TMED3: variants seen among roughly 807,000 people sequenced by gnomAD.
The protein encoded by TMED3 is transmembrane p24 trafficking protein 3, also known as transmembrane emp24 domain-containing protein 3.
TMED3 carries 9 observed loss-of-function variants against 15.0 expected under a neutral mutation model. The observed-to-expected ratio is 0.60, with a 90% CI of 0.36 to 1.04. The LOEUF is 1.04. Ranked by LOEUF, TMED3 falls within the 50% of genes least tolerant of loss-of-function variation. The probability of loss-of-function intolerance (pLI) is 0.01; values close to 1 mark genes in which losing one functional copy is unlikely to be tolerated. For missense variants in TMED3, 267 were observed against 278.9 expected (o/e 0.96, Z 0.30); for synonymous variants, 117 against 121.4 (o/e 0.96, Z 0.24).
At chr15:79,399,480 T>C (rs1420775716) in intron 2 of TMED3, among the ~76,000 whole-genome samples, 3 of 152,050 alleles carry the variant, frequency 2.0e-5, no homozygotes, top group Non-Finnish European at 4.4e-5. Context: ...TGGAGACACA[T>C]AATGTGTCCA....
intron 2 of TMED3, among the ~76,000 whole-genome samples, chr15:79,358,358 T>G (rs774455574): frequency 3.3e-5 from 5 of 152,244 alleles, no homozygotes; most frequent in Non-Finnish European, 7.3e-5. Flanking sequence ...TGGCTCACTT[T>G]TTATTTCTGA....
intron 2 of TMED3, among the ~76,000 whole-genome samples, chr15:79,399,420 G>A (rs1893805819): frequency 6.6e-6 from 1 of 152,138 alleles, no homozygotes; most frequent in Admixed American, 6.5e-5. Flanking sequence ...ATCATTGTTT[G>A]TGTGAGTCCA....
chr15:79,352,107 T>C (rs990308746), intron 2 of TMED3, among the ~76,000 whole-genome samples: 31 of 151,962 alleles, frequency 2.0e-4, no homozygotes, highest in Non-Finnish European at 3.5e-4. Context: ...AACCTACCTA[T>C]TGGGGACGGT....
chr15:79,410,054 C>T (rs1169606137), intron 2 of TMED3, among the ~76,000 whole-genome samples: 1 of 151,878 alleles, frequency 6.6e-6, no homozygotes, highest in Non-Finnish European at 1.5e-5. Flanking sequence ...TCCTTTCATA[C>T]CCGATGAATT....
chr15:79,317,859 C>T (rs1183260723), intron 2 of TMED3, among the ~76,000 whole-genome samples: 1 of 152,232 alleles, frequency 6.6e-6, no homozygotes, highest in Non-Finnish European at 1.5e-5. Flanking sequence ...GGTTTCCCTG[C>T]CTCTAAACTG....
At chr15:79,370,832 C>T (rs1411694158) in intron 2 of TMED3, among the ~76,000 whole-genome samples, 2 of 152,158 alleles carry the variant, frequency 1.3e-5, no homozygotes, top group African/African-American at 2.4e-5. Context: ...AACAGTCATT[C>T]GCTGAGGATC....
chr15:79,321,631 T>C (rs370290666), intron 2 of TMED3, among the ~76,000 whole-genome samples: 1 of 152,174 alleles, frequency 6.6e-6, no homozygotes, highest in South Asian at 2.1e-4. Flanking sequence ...CATCTGTGTG[T>C]GGGATAAGCC....
chr15:79,411,602 G>A, exon 3 of TMED3: 4 of 667,898 alleles, frequency 6.0e-6, no homozygotes, highest in Non-Finnish European at 8.2e-6. Context: ...ACCATGCACT[G>A]GGACTAGCTC....
chr15:79,354,741 A>G (rs1300145660), intron 2 of TMED3, among the ~76,000 whole-genome samples: 1 of 152,188 alleles, frequency 6.6e-6, no homozygotes, highest in Non-Finnish European at 1.5e-5. Context: ...ATAGAAGCAG[A>G]GCAAAGATAC....
chr15:79,408,788 C>T (rs964164893), intron 2 of TMED3, among the ~76,000 whole-genome samples: 20 of 152,040 alleles, frequency 1.3e-4, no homozygotes, highest in African/African-American at 3.9e-4. Context: ...CAGCCTTGTG[C>T]GATTCAAAAG....
At chr15:79,411,648 A>C in exon 3 of TMED3, 2 of 608,408 alleles carry the variant, frequency 3.3e-6, no homozygotes, top group South Asian at 1.8e-5. Flanking sequence ...CAGGTGAGTT[A>C]AACTGGCAAG....
At position 79,322,075 on chromosome 15, in the gene TMED3, C is replaced by T. The variant is rs560318448; in HGVS notation, c.515C>T (p.Ala172Val). 10 of 1,614,172 alleles carry T rather than the reference C, an allele frequency of 6.2e-6. No individual in the cohort carries two copies. The highest frequency in any genetic ancestry group is 3.3e-5 in the South Asian group (3 of 91,074). ...RLREAQDRAR[A>V]EDLNSRVSYW... ...CGGGAGGCCCAGGACCGGGCCCGAG[C>T]AGAAGACCTTAATAGCCGAGTCTCT... The change falls in exon 3 of 3, where the codon GCA becomes GTA. Residue 172 changes from alanine to valine, a missense_variant. Transcript: ENST00000299705.
At chr15:79,402,711 A>G (rs1893849511) in intron 2 of TMED3, among the ~76,000 whole-genome samples, 1 of 151,738 alleles carries the variant, frequency 6.6e-6, no homozygotes, top group Non-Finnish European at 1.5e-5. Context: ...GCTTGAACCC[A>G]GGAGGTGGAA....
chr15:79,411,257 G>C, intron 2 of TMED3: 2 of 553,562 alleles, frequency 3.6e-6, no homozygotes, highest in East Asian at 3.0e-5. Flanking sequence ...AGGATAATTA[G>C]AGCCAGCAAT....
At chr15:79,381,784 CAA>C (rs1350439665) in intron 2 of TMED3, among the ~76,000 whole-genome samples, 55 of 152,204 alleles carry the variant, frequency 3.6e-4, no homozygotes, top group Admixed American at 3.6e-3. Context: ...CCTGTGATTG[CAA>C]AGTCAACTCA....
At chr15:79,335,189 G>C (rs1010216229) in intron 2 of TMED3, among the ~76,000 whole-genome samples, 1 of 152,158 alleles carries the variant, frequency 6.6e-6, no homozygotes, top group Admixed American at 6.5e-5. Flanking sequence ...AAAAGTCAAG[G>C]AAGACCTAAA....
intron 2 of TMED3, among the ~76,000 whole-genome samples, chr15:79,339,662 CAGA>C (rs2058842665): frequency 6.6e-6 from 1 of 151,860 alleles, no homozygotes; most frequent in South Asian, 2.1e-4. Flanking sequence ...GTGGTGATGA[CAGA>C]GGAGTGGTAG....
intron 2 of TMED3, among the ~76,000 whole-genome samples, chr15:79,349,076 G>C (rs2058881805): frequency 6.6e-6 from 1 of 152,134 alleles, no homozygotes; most frequent in Non-Finnish European, 1.5e-5. Context: ...GGGCTCAAGT[G>C]ATCCACCCAC....
intron 2 of TMED3, among the ~76,000 whole-genome samples, chr15:79,320,191 C>T (rs1202657889): frequency 6.6e-6 from 1 of 152,234 alleles, no homozygotes; most frequent in Admixed American, 6.5e-5. Context: ...AAGGAGCCCT[C>T]TGGCGGCCCT....
Sources: gnomAD v4.1 joint callset for allele counts (sites outside exome capture counted in the v4.1 genomes callset) on GRCh38, gnomAD v4.1.1 for gene constraint, MANE v1.5 for transcripts, NCBI Gene and HGNC (gene_info 2026-07-23, HGNC 2026-07-21) for gene names.